Variants in PPP1R14C observed in about 807,000 individuals in gnomAD.
PPP1R14C encodes protein phosphatase 1 regulatory inhibitor subunit 14C, also known as protein phosphatase 1 regulatory subunit 14C.
PPP1R14C carries 16 observed loss-of-function variants against 20.4 expected under a neutral mutation model. That is an observed-to-expected ratio of 0.78 (90% CI 0.53 to 1.19). PPP1R14C has a LOEUF of 1.19. PPP1R14C is among the 50% of genes most tolerant of loss of function. The pLI is 0.00. For synonymous variants in PPP1R14C, 91 were observed against 91.0 expected, an observed-to-expected ratio of 1.00 and a Z score of 0.00; for missense variants, 211 against 220.1, an observed-to-expected ratio of 0.96 and a Z score of 0.26.
At chr6:150,247,163 A>T (rs139248730) in intron 3 of PPP1R14C, among the ~76,000 whole-genome samples, 93 of 152,302 alleles carry the variant, frequency 6.1e-4, no homozygotes, top group African/African-American at 2.2e-3. Flanking sequence ...CTGGGAGCTC[A>T]TGAGTGAGGA....
intron 1 of PPP1R14C, among the ~76,000 whole-genome samples, chr6:150,162,109 C>A (rs1305232607): frequency 1.4e-5 from 2 of 146,332 alleles, no homozygotes; most frequent in Admixed American, 1.4e-4. Flanking sequence ...AGGCTGGGTG[C>A]AGTGGTGTGA....
chr6:150,177,765 C>A (rs545521980), intron 1 of PPP1R14C, among the ~76,000 whole-genome samples: 1 of 152,202 alleles, frequency 6.6e-6, no homozygotes, highest in Admixed American at 6.5e-5. Context: ...GGACAGCTGT[C>A]GGGGAGGCAG....
rs9480046 is a variant in PPP1R14C at position 150,244,019 on chromosome 6, G to A, written c.424-4727G>A. On this transcript the variant is annotated intron_variant, in intron 3 of 3. Transcript: ENST00000361131. ...CAATTTTTTCCTGGGAATGGGAGGA[G>A]GGAGATTGCACAGAAGCATGAAGAA... Among the ~76,000 whole-genome samples the A allele has an allele frequency of 4.6e-3, 706 of 152,290 alleles. 6 individuals carry two copies. The highest frequency in any genetic ancestry group is 0.016 in the African/African-American group (659 of 41,556).
At chr6:150,182,260 C>T (rs143835555) in intron 1 of PPP1R14C, among the ~76,000 whole-genome samples, 6 of 152,322 alleles carry the variant, frequency 3.9e-5, no homozygotes, top group African/African-American at 1.2e-4. Flanking sequence ...TACCGTGAGA[C>T]AAATTATTCA....
chr6:150,197,186 G>C (rs34244559), intron 1 of PPP1R14C, among the ~76,000 whole-genome samples: 30,995 of 152,260 alleles, frequency 0.2, 3,904 homozygotes, highest in Non-Finnish European at 0.29. Flanking sequence ...AGGCCTCCCA[G>C]AGGTGGGGGA....
rs547281321 is a variant in PPP1R14C, at chr6:150,196,109, A to G, written c.307-18635A>G. 20 of 985,424 alleles carry G rather than the reference A, an allele frequency of 2.0e-5. No homozygotes were observed. The East Asian group carries it at 4.5e-4, about 22-fold the overall frequency. 61.0% of individuals were successfully genotyped at this position (985,424 alleles called of 1,614,324 possible). A position where few individuals can be genotyped will look rare whatever the true frequency, so the allele number is the denominator to read the frequency against. On this transcript the variant is annotated intron_variant, in intron 1 of 3. Transcript: ENST00000361131. ...CCCCTTTCTATAAATAGGAGCATCA[A>G]TGGGGCCTTCCAAAGGAAGTCATTG...
intron 1 of PPP1R14C, among the ~76,000 whole-genome samples, chr6:150,158,483 T>G (rs1324526913): frequency 6.6e-6 from 1 of 152,222 alleles, no homozygotes; most frequent in African/African-American, 2.4e-5. Flanking sequence ...CAATGGGAGC[T>G]CTATCACATT....
intron 1 of PPP1R14C, among the ~76,000 whole-genome samples, chr6:150,174,572 T>C (rs955033321): frequency 2.0e-5 from 3 of 151,936 alleles, no homozygotes; most frequent in Admixed American, 6.6e-5. Context: ...GTAGGAACAT[T>C]GGCTTATAAT....
intron 1 of PPP1R14C, among the ~76,000 whole-genome samples, chr6:150,203,803 A>C (rs912624288): frequency 2.6e-5 from 4 of 152,194 alleles, no homozygotes; most frequent in African/African-American, 9.7e-5. Flanking sequence ...TTTCCACTGC[A>C]AATCTGGATG....
At chr6:150,208,165 C>T (rs1235711602) in intron 1 of PPP1R14C, among the ~76,000 whole-genome samples, 2 of 152,134 alleles carry the variant, frequency 1.3e-5, no homozygotes, top group Non-Finnish European at 1.5e-5. Context: ...GCCCTGGGGA[C>T]CAAATTCACC....
rs1308781313 is a variant in PPP1R14C at position 150,143,147 on chromosome 6, G to T, written c.-46G>T. ...GTGGTAGCGGCGCCGGGCGCGCTCC[G>T]CCCGCCCCTCCTCCGGGCCGCACTG... On this transcript the variant is annotated 5_prime_UTR_variant, in exon 1 of 4. Coordinates refer to ENST00000361131, the MANE Select transcript of PPP1R14C (RefSeq NM_030949.3). This position sits in a 1 kb window ranked among gnomAD's most constrained non-coding sequence, Gnocchi z 5.6. 1.7e-6 allele frequency: 2 copies of T among 1,203,398 alleles called. No individual in the cohort carries two copies. The highest frequency in any genetic ancestry group is 1.0e-6 in the Non-Finnish European group (1 of 972,662). 74.5% of individuals were successfully genotyped at this position (1,203,398 alleles called of 1,614,324 possible). A position where few individuals can be genotyped will look rare whatever the true frequency, so the allele number is the denominator to read the frequency against.
chr6:150,202,321 G>A (rs942612722), intron 1 of PPP1R14C, among the ~76,000 whole-genome samples: 2 of 152,216 alleles, frequency 1.3e-5, no homozygotes, highest in Admixed American at 1.3e-4. Flanking sequence ...CCACGGAAGA[G>A]GCACTGCCTG....
rs1388044140 is a variant in PPP1R14C at position 150,143,535 on chromosome 6, T to G, written c.306+37T>G. 7.4e-7 allele frequency: 1 copy of G among 1,355,620 alleles called. No individual in the cohort carries two copies. Among genetic ancestry groups the G allele is most frequent in the African/African-American group, 1.5e-5 (1 of 67,168 alleles). 84.0% of individuals were successfully genotyped at this position (1,355,620 alleles called of 1,614,324 possible). ...CGGGGCTGGGAGGGTCGGGGACCTC[T>G]CTAGCTCCTCTGTGCCCGCGCAGTA... On this transcript the variant is annotated intron_variant, in intron 1 of 3. Transcript: ENST00000361131. This position sits in a 1 kb window ranked among gnomAD's most constrained non-coding sequence, Gnocchi z 5.6.
chr6:150,248,843 C>T lies in PPP1R14C; in HGVS notation c.*23C>T. 6.5e-7 allele frequency: 1 copy of T among 1,540,008 alleles called. No individual in the cohort carries two copies. Among genetic ancestry groups the T allele is most frequent in the East Asian group, 2.3e-5 (1 of 44,434 alleles). Reference sequence around the variant, plus strand: ...TGATTCTGGAACAGGGTGAAACTCTCCCAGAGACGAAGAAAGAGTCCTGGG... The same window carrying T: ...TGATTCTGGAACAGGGTGAAACTCTTCCAGAGACGAAGAAAGAGTCCTGGG... On this transcript the variant is annotated 3_prime_UTR_variant, in exon 4 of 4. Coordinates refer to ENST00000361131, the MANE Select transcript of PPP1R14C (RefSeq NM_030949.3).
chr6:150,178,405 C>T (rs966864515), intron 1 of PPP1R14C, among the ~76,000 whole-genome samples: 2 of 152,168 alleles, frequency 1.3e-5, no homozygotes, highest in African/African-American at 4.8e-5. Flanking sequence ...CCAGCTGGAG[C>T]ATGTCAGGGG....
At chr6:150,239,278 G>T (rs1042270886) in intron 3 of PPP1R14C, among the ~76,000 whole-genome samples, 1 of 152,154 alleles carries the variant, frequency 6.6e-6, no homozygotes, top group South Asian at 2.1e-4. Context: ...GAGGCAGCCT[G>T]GTTTTTAATA....
intron 1 of PPP1R14C, among the ~76,000 whole-genome samples, chr6:150,147,419 C>T (rs1038127549): frequency 5.9e-5 from 9 of 152,072 alleles, no homozygotes; most frequent in Admixed American, 1.3e-4. Context: ...ATCTCATGAT[C>T]CGACTGCCTC....
chr6:150,223,481 G>A (rs1359165730), intron 3 of PPP1R14C, among the ~76,000 whole-genome samples: 2 of 152,204 alleles, frequency 1.3e-5, no homozygotes, highest in African/African-American at 4.8e-5. Flanking sequence ...GAGAGTTCTT[G>A]TTGCTCCACA....
chr6:150,162,203 C>T (rs749330296), intron 1 of PPP1R14C, among the ~76,000 whole-genome samples: 5 of 152,042 alleles, frequency 3.3e-5, no homozygotes, highest in African/African-American at 4.8e-5. Flanking sequence ...TACAGGCGTG[C>T]GCCTCAACAT....
Sources: allele counts gnomAD v4.1 joint callset (sites outside exome capture counted in the v4.1 genomes callset), GRCh38; gene constraint gnomAD v4.1.1; non-coding constraint Gnocchi (gnomAD v3.1); transcripts MANE v1.5; gene names NCBI Gene and HGNC (gene_info 2026-07-23, HGNC 2026-07-21).